METTL24: variants seen among roughly 807,000 people sequenced by gnomAD.
METTL24 encodes the protein probable methyltransferase-like protein 24.
Under a neutral mutation model 32.7 loss-of-function variants are expected in METTL24, and 29 were observed. The ratio of observed to expected loss-of-function variants is 0.89; its 90% CI spans 0.66 to 1.21. The LOEUF (loss-of-function observed/expected upper bound fraction) is 1.21. METTL24 is among the 50% of genes most tolerant of loss of function. METTL24 has a pLI of 0.00. For synonymous variants in METTL24, 163 were observed against 179.5 expected (o/e 0.91, Z 0.73); for missense variants, 439 against 468.1 (o/e 0.94, Z 0.57).
intron 1 of METTL24, among the ~76,000 whole-genome samples, chr6:110,354,028 C>T (rs779300274): frequency 6.6e-6 from 1 of 151,900 alleles, no homozygotes; most frequent in East Asian, 1.9e-4. Context: ...GCATAGTATG[C>T]GAAATTTGGA....
At chr6:110,339,061 CTTAAAG>C (rs778484236) in intron 1 of METTL24, among the ~76,000 whole-genome samples, 1 of 152,184 alleles carries the variant, frequency 6.6e-6, no homozygotes, top group Non-Finnish European at 1.5e-5. Flanking sequence ...TGCAGATTCT[CTTAAAG>C]TTAAGTAAGT....
At chr6:110,275,577 A>G (rs1167677318) in intron 4 of METTL24, among the ~76,000 whole-genome samples, 1 of 152,150 alleles carries the variant, frequency 6.6e-6, no homozygotes, top group Non-Finnish European at 1.5e-5. Context: ...ACTTTATTAT[A>G]TAATCTTCAA....
chr6:110,343,721 G>A (rs2114773563), intron 1 of METTL24, among the ~76,000 whole-genome samples: 1 of 152,344 alleles, frequency 6.6e-6, no homozygotes, highest in East Asian at 1.9e-4. Flanking sequence ...CAGCCTGTAA[G>A]AAACCCCAAT....
At chr6:110,311,908 C>A (rs1307121433) in intron 3 of METTL24, among the ~76,000 whole-genome samples, 1 of 152,068 alleles carries the variant, frequency 6.6e-6, no homozygotes, top group African/African-American at 2.4e-5. Flanking sequence ...GTTTGTTTTG[C>A]AATTGAGTTG....
intron 4 of METTL24, among the ~76,000 whole-genome samples, chr6:110,248,614 C>G (rs1048836060): frequency 2.0e-5 from 3 of 149,058 alleles, no homozygotes; most frequent in African/African-American, 7.3e-5. Flanking sequence ...TGAATACACA[C>G]CAGGCTAAAA....
intron 4 of METTL24, among the ~76,000 whole-genome samples, chr6:110,295,794 A>AAATGAAGGAAGGAAGGAAGGAAGG (rs1771403233): frequency 7.3e-6 from 1 of 136,244 alleles, no homozygotes; most frequent in African/African-American, 3.0e-5. Flanking sequence ...AGAAAGAAAG[A>AAATGAAGGAAGGAAGGAAGGAAGG]AAGGAAGGAA....
chr6:110,260,639 G>C (rs1778475752), intron 4 of METTL24, among the ~76,000 whole-genome samples: 1 of 152,128 alleles, frequency 6.6e-6, no homozygotes, highest in African/African-American at 2.4e-5. Flanking sequence ...TCCTCGAGAA[G>C]AGCAACTCCA....
chr6:110,322,136 G>A (rs2114753872), intron 2 of METTL24, among the ~76,000 whole-genome samples: 1 of 152,330 alleles, frequency 6.6e-6, no homozygotes, highest in East Asian at 1.9e-4. Flanking sequence ...AAGAGCCATA[G>A]ACTGTCTTAA....
At chr6:110,286,141 G>A (rs773794550) in intron 4 of METTL24, among the ~76,000 whole-genome samples, 6 of 152,174 alleles carry the variant, frequency 3.9e-5, no homozygotes, top group Non-Finnish European at 5.9e-5. Flanking sequence ...GAGGAATGGG[G>A]AACTCATCGA....
intron 4 of METTL24, among the ~76,000 whole-genome samples, chr6:110,248,680 G>A (rs1778216797): frequency 6.6e-6 from 1 of 151,912 alleles, no homozygotes; most frequent in African/African-American, 2.4e-5. Flanking sequence ...GCTCATGCCT[G>A]TAATCCCAGC....
chr6:110,317,585 T>C (rs144114898), intron 2 of METTL24, among the ~76,000 whole-genome samples: 3 of 152,082 alleles, frequency 2.0e-5, no homozygotes, highest in Non-Finnish European at 2.9e-5. Context: ...AGCCATCTGC[T>C]TGGGGGAAGT....
intron 3 of METTL24, among the ~76,000 whole-genome samples, chr6:110,307,001 G>C (rs4947061): frequency 0.27 from 40,932 of 152,092 alleles, 9,044 homozygotes; most frequent in African/African-American, 0.61. Context: ...TTCTAAGTCC[G>C]CAGTGCTGAA....
In METTL24 at chr6:110,357,911, G is replaced by C; in HGVS notation, c.318+44C>G. On this transcript the variant is annotated intron_variant, in intron 1 of 4. Transcript: ENST00000338882. ...CGGGCTCCGTAGCGCGGTCGGGAGG[G>C]GGCTTCTGGTCCCAGGCCCAAGACC... 10 of 1,132,252 alleles carry C rather than the reference G, an allele frequency of 8.8e-6. No individual in the cohort carries two copies. The East Asian group carries it at 1.5e-4, about 17-fold the overall frequency. The allele number at this position is 1,132,252 out of a possible 1,614,324, so 70.1% of individuals were successfully genotyped here.
intron 1 of METTL24, among the ~76,000 whole-genome samples, chr6:110,346,935 T>C (rs1291677153): frequency 6.6e-6 from 1 of 152,226 alleles, no homozygotes; most frequent in African/African-American, 2.4e-5. Flanking sequence ...TTTTTTGACT[T>C]TTCAGGTTTC....
chr6:110,352,179 C>A (rs573686140), intron 1 of METTL24, among the ~76,000 whole-genome samples: 2 of 152,290 alleles, frequency 1.3e-5, no homozygotes, highest in South Asian at 2.1e-4. Context: ...GGACCTTTGG[C>A]TTTTCTGAAC....
rs547200388 is a variant in METTL24 at position 110,330,971 on chromosome 6, T to G, written c.319-8099A>C. Among the ~76,000 whole-genome samples the G allele has an allele frequency of 2.6e-5, 4 of 152,288 alleles. No individual in the cohort carries two copies. The South Asian group carries it at 8.3e-4, about 32-fold the overall frequency. The stretch of plus-strand genomic sequence containing the variant: ...TGTAGGCCTGATACAGATGTTGAAA[T>G]TTTTGGCAAAGACTTAAGAGCAACA... On this transcript the variant is annotated intron_variant, in intron 1 of 4. Coordinates refer to ENST00000338882, the MANE Select transcript of METTL24 (RefSeq NM_001123364.3).
chr6:110,260,186 G>T (rs879298811), intron 4 of METTL24, among the ~76,000 whole-genome samples: 2 of 152,096 alleles, frequency 1.3e-5, no homozygotes. Flanking sequence ...GAGGAAGTTC[G>T]AACCCACGGC....
At chr6:110,263,230 C>A (rs1770783703) in intron 4 of METTL24, among the ~76,000 whole-genome samples, 1 of 152,174 alleles carries the variant, frequency 6.6e-6, no homozygotes. Context: ...CCCATCATCT[C>A]AGCCCAAAAT....
chr6:110,314,210 G>C (rs1167604314), intron 3 of METTL24, among the ~76,000 whole-genome samples: 2 of 152,138 alleles, frequency 1.3e-5, no homozygotes, highest in Non-Finnish European at 2.9e-5. Context: ...GGAAACGATC[G>C]ATGTCACATT....
Sources: allele counts gnomAD v4.1 joint callset (sites outside exome capture counted in the v4.1 genomes callset), GRCh38; gene constraint gnomAD v4.1.1; transcripts MANE v1.5; gene names NCBI Gene and HGNC (gene_info 2026-07-23, HGNC 2026-07-21).